Variants in CNBD1 observed in about 807,000 individuals in gnomAD.
CNBD1 encodes the protein cyclic nucleotide binding domain containing 1.
CNBD1 carries 71 observed loss-of-function variants against 54.4 expected under a neutral mutation model. That is an observed-to-expected ratio of 1.30 (90% confidence interval 1.08 to 1.59). CNBD1 has a LOEUF of 1.59. Ranked by LOEUF, CNBD1 falls within the 40% of genes most tolerant of loss-of-function variation. The pLI is 0.00. For synonymous variants in CNBD1, 182 were observed against 170.7 expected, an observed-to-expected ratio of 1.07 and a Z score of -0.51; for missense variants, 659 against 518.0, an observed-to-expected ratio of 1.27 and a Z score of -2.64.
intron 4 of CNBD1, among the ~76,000 whole-genome samples, chr8:87,046,503 C>T (rs150198774): frequency 5.9e-5 from 9 of 152,204 alleles, no homozygotes. Flanking sequence ...GGACCACTGC[C>T]ACTATAGTGC....
intron 6 of CNBD1, among the ~76,000 whole-genome samples, chr8:87,275,930 C>T: frequency 6.6e-6 from 1 of 151,866 alleles, no homozygotes; most frequent in Non-Finnish European, 1.5e-5. Context: ...ACACCAATAA[C>T]AGACAGAGAG....
intron 2 of CNBD1, among the ~76,000 whole-genome samples, chr8:87,421,563 A>T (rs897313312): frequency 6.6e-6 from 1 of 151,846 alleles, no homozygotes; most frequent in Non-Finnish European, 1.5e-5. Context: ...ACTGAGAATG[A>T]TGATTTCCGA....
intron 4 of CNBD1, among the ~76,000 whole-genome samples, chr8:86,945,289 C>G (rs1807440188): frequency 6.6e-6 from 1 of 152,046 alleles, no homozygotes; most frequent in African/African-American, 2.4e-5. Context: ...TCTACTTTCT[C>G]CAATTAACGA....
chr8:87,340,226 T>C (rs1213167143), intron 8 of CNBD1, among the ~76,000 whole-genome samples: 1 of 152,252 alleles, frequency 6.6e-6, no homozygotes, highest in East Asian at 1.9e-4. Flanking sequence ...TCAATGTTTC[T>C]GCTGAGAAAT....
intron 2 of CNBD1, among the ~76,000 whole-genome samples, chr8:86,903,567 C>T (rs1045873080): frequency 1.3e-5 from 2 of 151,996 alleles, no homozygotes; most frequent in African/African-American, 4.8e-5. Context: ...AAATGGGGGA[C>T]AGAATATCCC....
intron 4 of CNBD1, among the ~76,000 whole-genome samples, chr8:87,141,788 G>A (rs910580086): frequency 6.6e-6 from 1 of 151,992 alleles, no homozygotes; most frequent in Admixed American, 6.6e-5. Flanking sequence ...TTTTCATCTA[G>A]CCTTTTGCCC....
At chr8:87,172,349 A>T (rs564557525) in intron 4 of CNBD1, among the ~76,000 whole-genome samples, 61 of 152,212 alleles carry the variant, frequency 4.0e-4, no homozygotes, top group African/African-American at 1.4e-3. Context: ...TTCTACAGCT[A>T]TTGGATGAAA....
intron 4 of CNBD1, among the ~76,000 whole-genome samples, chr8:87,075,213 G>T (rs368606831): frequency 2.0e-5 from 3 of 152,208 alleles, no homozygotes; most frequent in East Asian, 3.9e-4. Flanking sequence ...TTACTAGTGA[G>T]GTAAATCATA....
intron 6 of CNBD1, among the ~76,000 whole-genome samples, chr8:87,240,976 C>G (rs1201100123): frequency 6.6e-6 from 1 of 152,068 alleles, no homozygotes; most frequent in Non-Finnish European, 1.5e-5. Flanking sequence ...TGTGGGTCCC[C>G]CCAGTTGATG....
At chr8:87,107,145 A>G (rs924476851) in intron 4 of CNBD1, among the ~76,000 whole-genome samples, 1 of 152,106 alleles carries the variant, frequency 6.6e-6, no homozygotes, top group Admixed American at 6.6e-5. Flanking sequence ...ATGTTTTTAT[A>G]TACTTTTCAC....
chr8:87,394,000 T>C lies in CNBD1; in HGVS notation c.214-34546T>C, dbSNP rs536696652. Among the ~76,000 whole-genome samples the C allele has an allele frequency of 2.6e-5, 4 of 151,926 alleles. No homozygotes were observed. In the South Asian group the frequency reaches 8.3e-4, roughly 31 times the overall value. On this transcript the variant is annotated intron_variant, in intron 2 of 7. Transcript: ENST00000521593. ...TACTTGAGTAAATGACCAGTCTGAA[T>C]GGAGAAGAGAGTCCAATCAACTTCT...
downstream of CNBD1, among the ~76,000 whole-genome samples, chr8:87,383,121 T>G (rs1811115179): frequency 6.6e-6 from 1 of 152,042 alleles, no homozygotes; most frequent in Admixed American, 6.6e-5. Flanking sequence ...TTTGAGAACT[T>G]CAAAGACCTT....
chr8:86,928,271 A>G (rs536126224), intron 3 of CNBD1, among the ~76,000 whole-genome samples: 1 of 152,272 alleles, frequency 6.6e-6, no homozygotes, highest in South Asian at 2.1e-4. Flanking sequence ...AGCATTTCAT[A>G]TGGACTTACC....
At chr8:86,925,165 T>C (rs1479169140) in intron 3 of CNBD1, among the ~76,000 whole-genome samples, 1 of 152,178 alleles carries the variant, frequency 6.6e-6, no homozygotes, top group Non-Finnish European at 1.5e-5. Context: ...TTTGGGAATG[T>C]GTGGGACAAA....
chr8:86,949,033 T>C (rs1807539937), intron 4 of CNBD1, among the ~76,000 whole-genome samples: 1 of 152,168 alleles, frequency 6.6e-6, no homozygotes, highest in South Asian at 2.1e-4. Context: ...TATTTCTTGG[T>C]ACCGTTGTCA....
chr8:86,956,378 G>T lies in CNBD1; in HGVS notation c.431+16624G>T, dbSNP rs1395223555. ...TCCAATTCTGTGAAGAAAGTCATTGGTAGCTTGATGGGGATGGCATTGAAT... is the reference window on the plus strand; with the variant it reads ...TCCAATTCTGTGAAGAAAGTCATTGTTAGCTTGATGGGGATGGCATTGAAT... On this transcript the variant is annotated intron_variant, in intron 4 of 10. Coordinates refer to ENST00000518476, the MANE Select transcript of CNBD1 (RefSeq NM_173538.3). Among the ~76,000 whole-genome samples the T allele has an allele frequency of 4.6e-5, 7 of 152,166 alleles. No individual in the cohort carries two copies. The East Asian group carries it at 1.2e-3, about 25-fold the overall frequency.
chr8:87,293,778 T>C (rs1808826668), intron 8 of CNBD1, among the ~76,000 whole-genome samples: 1 of 152,158 alleles, frequency 6.6e-6, no homozygotes, highest in South Asian at 2.1e-4. Flanking sequence ...CAGTGGAAAC[T>C]GAATAGGAGA....
chr8:87,104,633 A>C (rs536320366), intron 4 of CNBD1, among the ~76,000 whole-genome samples: 2 of 152,200 alleles, frequency 1.3e-5, no homozygotes, highest in Non-Finnish European at 2.9e-5. Flanking sequence ...GGTCTAAAAG[A>C]GCTAGTGTGG....
chr8:87,391,787 C>A (rs1263021934), intron 2 of CNBD1, among the ~76,000 whole-genome samples: 1 of 151,952 alleles, frequency 6.6e-6, no homozygotes, highest in Non-Finnish European at 1.5e-5. Flanking sequence ...GTAAAGCGAA[C>A]CCTTTTCAGA....
Sources: gnomAD v4.1 joint callset for allele counts (sites outside exome capture counted in the v4.1 genomes callset) on GRCh38, gnomAD v4.1.1 for gene constraint, MANE v1.5 for transcripts, NCBI Gene and HGNC (gene_info 2026-07-23, HGNC 2026-07-21) for gene names.